Variants in BRAP observed in about 807,000 individuals in gnomAD.
BRAP encodes the protein BRCA1 associated protein.
A neutral mutation model predicts 73.4 loss-of-function variants in BRAP; 42 were observed. The observed-to-expected ratio is 0.57, with a 90% confidence interval of 0.45 to 0.74. BRAP has a LOEUF of 0.74. Among genes scored for constraint, BRAP ranks in the 30% least tolerant of loss-of-function variants. The pLI is 0.00. For missense variants in BRAP, 593 were observed against 751.4 expected (o/e 0.79, Z 2.46); for synonymous variants, 255 against 267.4 (o/e 0.95, Z 0.45).
Position 111,642,352 on chromosome 12 carries a change from T to A in BRAP, c.*1847A>T, listed in dbSNP as rs1885929025. ...TTTTTTTTTTTCTGGGACATATTTT[T>A]TGTAAACCTCCAAGTAGTTTGGAAA... On this transcript the variant is annotated 3_prime_UTR_variant, in exon 12 of 12. Coordinates refer to ENST00000419234, the MANE Select transcript of BRAP (RefSeq NM_006768.5). 6.6e-6 allele frequency: 1 copy of A among 152,158 alleles called. No individual in the cohort carries two copies. The highest frequency in any genetic ancestry group is 6.6e-5 in the Admixed American group (1 of 15,250). 9.4% of individuals were successfully genotyped at this position (152,158 alleles called of 1,614,324 possible).
chr12:111,651,132 G>C (rs1269908939), intron 10 of BRAP, among the ~76,000 whole-genome samples: 2 of 151,576 alleles, frequency 1.3e-5, no homozygotes, highest in African/African-American at 4.9e-5. Flanking sequence ...AAGTGGCTGA[G>C]AATTTAAGTC....
Position 111,660,073 on chromosome 12 carries a change from C to CA in BRAP, c.972+526dup, listed in dbSNP as rs1468009476. 1.3e-3 allele frequency among the ~76,000 whole-genome samples: 178 copies of CA among 135,402 alleles called. 1 individual carries two copies. The highest frequency in any genetic ancestry group is 3.8e-3 in the Middle Eastern group (1 of 260). 88.8% of individuals were successfully genotyped at this position (135,402 alleles called of 152,430 possible). A position where few individuals can be genotyped will look rare whatever the true frequency, so the allele number is the denominator to read the frequency against. ...TGGGTAACAGAATGATACCCTGTCT[C>CA]AAAAAAAAAAGAAAAAGAAAAAGAA... is the stretch of plus-strand genomic sequence containing the variant. On this transcript the variant is annotated intron_variant, in intron 7 of 11. Coordinates refer to ENST00000419234, the MANE Select transcript of BRAP (RefSeq NM_006768.5).
At chr12:111,675,222 C>A (rs1887334614) in intron 4 of BRAP, among the ~76,000 whole-genome samples, 1 of 151,772 alleles carries the variant, frequency 6.6e-6, no homozygotes, top group African/African-American at 2.4e-5. Flanking sequence ...GATCGTGCCA[C>A]TGCAGTCCAG....
chr12:111,673,489 A>G (rs1440703143), intron 4 of BRAP, among the ~76,000 whole-genome samples: 1 of 145,394 alleles, frequency 6.9e-6, no homozygotes, highest in Non-Finnish European at 1.5e-5. Context: ...GGGCAACAAG[A>G]GCGAAACTTC....
intron 10 of BRAP, 126 bp downstream of exon 10, chr12:111,655,440 C>G: frequency 1.4e-6 from 1 of 723,136 alleles, no homozygotes; most frequent in Non-Finnish European, 2.3e-6. Context: ...CAGTTCTCCA[C>G]CTATTACCTG....
At chr12:111,678,249 CAAAAAAAAAAA>C (rs60763826) in intron 4 of BRAP, among the ~76,000 whole-genome samples, 2 of 57,468 alleles carry the variant, frequency 3.5e-5, no homozygotes, top group Admixed American at 1.9e-4. Flanking sequence ...AACTCCGTCT[CAAAAAAAAAAA>C]AAAAAAAAAT....
Position 111,656,737 on chromosome 12 carries a change from C to CT in BRAP, c.1222-1083dup, listed in dbSNP as rs368363093. 2.3e-3 allele frequency among the ~76,000 whole-genome samples: 336 copies of CT among 148,292 alleles called. 2 individuals are homozygous for CT. The highest frequency in any genetic ancestry group is 7.6e-3 in the African/African-American group (307 of 40,548). On this transcript the variant is annotated intron_variant, in intron 9 of 11. Transcript: ENST00000419234. ...CAGCAAAGATTTTTCTTTTTTCTTT[C>CT]TTTTTTTTTTGTTTAAAACTGGGTC...
chr12:111,681,720 T>C lies in BRAP; in HGVS notation c.360A>G (p.Lys120=), dbSNP rs372154559. ...AGAATGAAATCTGGTCTGGAAGCTGTTTGGACGGAGAATCTGGGGCAGCGT... is the reference window on the plus strand; with the variant it reads ...AGAATGAAATCTGGTCTGGAAGCTGCTTGGACGGAGAATCTGGGGCAGCGT... ...CINAAPDSPS[K]QLPDQISFFS... The change falls in exon 3 of 12, where the codon AAA becomes AAG. Residue 120 remains lysine (K), a synonymous_variant. Transcript: ENST00000419234. The C allele has an allele frequency of 5.6e-6, 9 of 1,613,994 alleles. No homozygotes were observed. The highest frequency in any genetic ancestry group is 5.3e-5 in the African/African-American group (4 of 74,914).
chr12:111,662,000 T>C (rs1410718071), intron 6 of BRAP, among the ~76,000 whole-genome samples: 1 of 152,172 alleles, frequency 6.6e-6, no homozygotes, highest in African/African-American at 2.4e-5. Context: ...ATGTACTTAT[T>C]GAAATGCACA....
chr12:111,664,053 T>C (rs1655247501), intron 6 of BRAP, among the ~76,000 whole-genome samples: 1 of 152,170 alleles, frequency 6.6e-6, no homozygotes, highest in African/African-American at 2.4e-5. Context: ...GGGATGGGTA[T>C]CGTGGCTCAT....
At chr12:111,676,513 A>C (rs895940277) in intron 4 of BRAP, among the ~76,000 whole-genome samples, 1 of 152,138 alleles carries the variant, frequency 6.6e-6, no homozygotes. Context: ...TCCCAGGTTC[A>C]ATAGTTTCTC....
chr12:111,678,223 T>G (rs1887459174), intron 4 of BRAP, among the ~76,000 whole-genome samples: 1 of 126,432 alleles, frequency 7.9e-6, no homozygotes, highest in Non-Finnish European at 1.6e-5. Flanking sequence ...CACTCCAGCC[T>G]GGGCAACAAG....
chr12:111,677,660 T>C (rs1190746704), intron 4 of BRAP, among the ~76,000 whole-genome samples: 1 of 152,188 alleles, frequency 6.6e-6, no homozygotes, highest in South Asian at 2.1e-4. Flanking sequence ...TATTATTACA[T>C]GTGCTACCAG....
At chr12:111,646,357 A>G (rs1886112308) in intron 11 of BRAP, among the ~76,000 whole-genome samples, 2 of 152,220 alleles carry the variant, frequency 1.3e-5, no homozygotes, top group Non-Finnish European at 2.9e-5. Context: ...ACTATTTGAG[A>G]TACTATTTTT....
chr12:111,682,497 CAAAAAAAAAAAAAA>C (rs11366915), intron 2 of BRAP, among the ~76,000 whole-genome samples: 1 of 77,906 alleles, frequency 1.3e-5, no homozygotes, highest in African/African-American at 5.2e-5. Flanking sequence ...GAGACTGTCT[CAAAAAAAAAAAAAA>C]AAAAAAAGAA....
chr12:111,681,835 T>C lies in BRAP; in HGVS notation c.245A>G (p.Asp82Gly). The C allele has an allele frequency of 1.2e-6, 2 of 1,602,438 alleles. No individual in the cohort carries two copies. Among genetic ancestry groups the C allele is most frequent in the Non-Finnish European group, 1.7e-6 (2 of 1,174,928 alleles). The change falls in exon 3 of 12, where the codon GAT (aspartate) becomes GGT (glycine). Residue 82 changes from aspartate (D) to glycine (G), a missense_variant and splice_region_variant. Transcript: ENST00000419234. ...VIIETMKSNP[D>G]ELKTTVEERK... ...TTCTTCCACTGTAGTTTTTAGTTCA[T>C]CTTTCACCAGTTAAAAAATAGCAGA...
intron 2 of BRAP, among the ~76,000 whole-genome samples, 161 bp from the exon 3 acceptor site, chr12:111,681,996 G>C (rs1235179708): frequency 6.6e-6 from 1 of 152,104 alleles, no homozygotes; most frequent in Non-Finnish European, 1.5e-5. Flanking sequence ...GTTTATGAGG[G>C]CATCATACTT....
chr12:111,672,776 T>C lies in BRAP; in HGVS notation c.634-2A>G. 6.2e-7 allele frequency: 1 copy of C among 1,610,772 alleles called. No homozygotes were observed. Among genetic ancestry groups the C allele is most frequent in the East Asian group, 2.2e-5 (1 of 44,868 alleles). On this transcript the variant is annotated splice_acceptor_variant, in intron 4 of 11. Transcript: ENST00000419234. LOFTEE classifies it high-confidence loss of function. Reference sequence around the variant, plus strand: ...CATATAAAAACTATCCGCATCAGCCTATGTACACCAATGGGGAAAAGGAAA... The same window carrying C: ...CATATAAAAACTATCCGCATCAGCCCATGTACACCAATGGGGAAAAGGAAA...
intron 11 of BRAP, among the ~76,000 whole-genome samples, chr12:111,645,706 T>C (rs562135699): frequency 2.0e-5 from 3 of 152,258 alleles, no homozygotes; most frequent in African/African-American, 4.8e-5. Context: ...GCCAGGTGCA[T>C]TGGCTCATGC....
Sources: gnomAD v4.1 joint callset for allele counts (sites outside exome capture counted in the v4.1 genomes callset) on GRCh38, gnomAD v4.1.1 for gene constraint, MANE v1.5 for transcripts, NCBI Gene and HGNC (gene_info 2026-07-23, HGNC 2026-07-21) for gene names.